CAMKK1: variants seen among roughly 807,000 people sequenced by gnomAD.
CAMKK1 encodes the protein calcium/calmodulin dependent protein kinase kinase 1, also known as calcium/calmodulin-dependent protein kinase kinase 1.
A neutral mutation model predicts 63.5 loss-of-function variants in CAMKK1; 20 were observed. That is an observed-to-expected ratio of 0.32 (90% CI 0.22 to 0.46). The LOEUF is 0.46. Among genes scored for constraint, CAMKK1 ranks in the 20% least tolerant of loss-of-function variants. The probability of loss-of-function intolerance (pLI) is 1.00; values close to 1 mark genes in which losing one functional copy is unlikely to be tolerated. For synonymous variants in CAMKK1, 253 were observed against 269.0 expected (o/e 0.94, Z 0.58); for missense variants, 588 against 658.1 (o/e 0.89, Z 1.17).
At chr17:3,875,185 T>G (rs9898774) in intron 10 of CAMKK1, among the ~76,000 whole-genome samples, 4 of 152,182 alleles carry the variant, frequency 2.6e-5, no homozygotes, top group African/African-American at 9.6e-5. Flanking sequence ...TGAATCTGGG[T>G]AAAAAGATAT....
chr17:3,865,486 C>T (rs979325319), intron 15 of CAMKK1: 23 of 1,015,642 alleles, frequency 2.3e-5, no homozygotes, highest in African/African-American at 1.9e-4. Flanking sequence ...CTCTACAGCC[C>T]GCCAGCCTCC....
intron 15 of CAMKK1, chr17:3,865,523 G>A (rs1213265668): frequency 4.8e-6 from 5 of 1,032,950 alleles, no homozygotes; most frequent in East Asian, 1.6e-4. Flanking sequence ...CAGCCTGTCT[G>A]CAAACCTCTG....
Position 3,882,636 on chromosome 17 carries a change from C to T in CAMKK1, c.649-72G>A, listed in dbSNP as rs956336146. 1 of 1,407,040 alleles carries T rather than the reference C, an allele frequency of 7.1e-7. No individual in the cohort carries two copies. The highest frequency in any genetic ancestry group is 2.5e-4 in the Middle Eastern group (1 of 4,064). 87.2% of individuals were successfully genotyped at this position (1,407,040 alleles called of 1,614,324 possible). A position where few individuals can be genotyped will look rare whatever the true frequency, so the allele number is the denominator to read the frequency against. On this transcript the variant is annotated intron_variant, in intron 6 of 15. Coordinates refer to ENST00000348335, the MANE Select transcript of CAMKK1 (RefSeq NM_032294.3). This position sits in a 1 kb window ranked among gnomAD's most constrained non-coding sequence, Gnocchi z 4.3. The stretch of plus-strand genomic sequence containing the variant: ...GGTTGGAGGTCCCAGGCCTCCTGGT[C>T]CTTGCCAGCCCCAGAACCCTTAGTA...
At chr17:3,869,395 G>A in intron 14 of CAMKK1, 92 bp downstream of exon 14, 1 of 1,532,310 alleles carries the variant, frequency 6.5e-7, no homozygotes. Context: ...TGGCCAGGCA[G>A]GCCTCTGTCC....
At position 3,881,319 on chromosome 17, in the gene CAMKK1, C is replaced by T. The variant is rs376988914; in HGVS notation, c.707+308G>A. Among the ~76,000 whole-genome samples, 40 of 152,304 alleles carry T rather than the reference C, an allele frequency of 2.6e-4. No individual in the cohort carries two copies. The Middle Eastern group carries it at 0.01, about 39-fold the overall frequency. On this transcript the variant is annotated intron_variant, in intron 8 of 15. Coordinates refer to ENST00000348335, the MANE Select transcript of CAMKK1 (RefSeq NM_032294.3). ...GAATACCGGTAAGAGTTGAGTCCCACCTCTATATACTTTTACCTAAAAAAC... is the reference window on the plus strand; with the variant it reads ...GAATACCGGTAAGAGTTGAGTCCCATCTCTATATACTTTTACCTAAAAAAC...
At chr17:3,876,201 T>A (rs1215629891) in intron 10 of CAMKK1, 22 bp downstream of exon 10, 2 of 1,607,722 alleles carry the variant, frequency 1.2e-6, no homozygotes, top group Non-Finnish European at 1.7e-6. Flanking sequence ...AACCCCAGCC[T>A]GGCCCAGGGC....
In CAMKK1 at chr17:3,885,747, G is replaced by T; in HGVS notation, c.-43-17C>A. On this transcript the variant is annotated splice_polypyrimidine_tract_variant and intron_variant, in intron 1 of 15. Transcript: ENST00000348335. ...GTTGGGAACCTGAGAAAAGAAGGCA[G>T]AGAAGGCTTCACTCCTGGGTGTCAG... 6.3e-7 allele frequency: 1 copy of T among 1,593,426 alleles called. No individual in the cohort carries two copies. The highest frequency in any genetic ancestry group is 1.1e-5 in the South Asian group (1 of 89,908).
chr17:3,883,240 C>T lies in CAMKK1; in HGVS notation c.515-65G>A. 6.3e-7 allele frequency: 1 copy of T among 1,596,176 alleles called. No individual in the cohort carries two copies. Among genetic ancestry groups the T allele is most frequent in the Non-Finnish European group, 8.5e-7 (1 of 1,171,980 alleles). On this transcript the variant is annotated intron_variant, in intron 5 of 15. Coordinates refer to ENST00000348335, the MANE Select transcript of CAMKK1 (RefSeq NM_032294.3). This position sits in a 1 kb window ranked among gnomAD's most constrained non-coding sequence, Gnocchi z 4.7. Reference sequence around the variant, plus strand: ...GCTGGGCCTCACCGTGGCCCCCAAACCAGTCTCAAGCAAGAGTCTTGCATG... The same window carrying T: ...GCTGGGCCTCACCGTGGCCCCCAAATCAGTCTCAAGCAAGAGTCTTGCATG...
chr17:3,880,509 C>T (rs2055363230), intron 8 of CAMKK1, 75 bp from the exon 9 acceptor site: 29 of 1,155,574 alleles, frequency 2.5e-5, no homozygotes, highest in Non-Finnish European at 3.2e-5. Flanking sequence ...CGGGACGTCC[C>T]GGGAAACCTG....
At chr17:3,873,084 G>A (rs764098697) in intron 11 of CAMKK1, among the ~76,000 whole-genome samples, 13 of 152,210 alleles carry the variant, frequency 8.5e-5, no homozygotes, top group South Asian at 2.1e-4. Context: ...ACAATTTGTC[G>A]AATAAATGAG....
At chr17:3,871,347 GTTTTTTTTTTTTTT>G (rs869219931) in intron 12 of CAMKK1, among the ~76,000 whole-genome samples, 5 of 104,366 alleles carry the variant, frequency 4.8e-5, no homozygotes, top group Admixed American at 1.1e-4. Context: ...TTTTTTTTTT[GTTTTTTTTTTTTTT>G]TTTTTTTTTT....
intron 1 of CAMKK1, 42 bp from the exon 2 acceptor site, chr17:3,885,772 G>A (rs1238518081): frequency 3.2e-6 from 5 of 1,565,654 alleles, no homozygotes; most frequent in Non-Finnish European, 4.3e-6. Context: ...CTGGGTGTCA[G>A]GCTGGCTACC....
chr17:3,865,518 T>G, intron 15 of CAMKK1: 1 of 1,027,204 alleles, frequency 9.7e-7, no homozygotes, highest in Non-Finnish European at 1.2e-6. Flanking sequence ...AACATCAGCC[T>G]GTCTGCAAAC....
Position 3,862,413 on chromosome 17 carries a change from C to A in CAMKK1, c.1446-130G>T. 1 of 779,752 alleles carries A rather than the reference C, an allele frequency of 1.3e-6. No homozygotes were observed. The highest frequency in any genetic ancestry group is 2.1e-6 in the Non-Finnish European group (1 of 471,406). The allele number at this position is 779,752 out of a possible 1,614,324, so 48.3% of individuals were successfully genotyped here. A position where few individuals can be genotyped will look rare whatever the true frequency, so the allele number is the denominator to read the frequency against. ...AGCCCCCTTCACCCACTGCCCCAAG[C>A]TTGGCCTCCCTCTGGCCTCCCTACA... On this transcript the variant is annotated intron_variant, in intron 15 of 15. Coordinates refer to ENST00000348335, the MANE Select transcript of CAMKK1 (RefSeq NM_032294.3). This position sits in a 1 kb window ranked among gnomAD's most constrained non-coding sequence, Gnocchi z 4.1.
At chr17:3,878,076 C>T (rs1361563875) in intron 9 of CAMKK1, among the ~76,000 whole-genome samples, 2 of 152,204 alleles carry the variant, frequency 1.3e-5, no homozygotes, top group Non-Finnish European at 2.9e-5. Context: ...TCCTCTGAGA[C>T]CCCACATCCT....
chr17:3,883,090 A>T lies in CAMKK1; in HGVS notation c.600T>A (p.Ile200=). 6.2e-7 allele frequency: 1 copy of T among 1,613,730 alleles called. No homozygotes were observed. The highest frequency in any genetic ancestry group is 8.5e-7 in the Non-Finnish European group (1 of 1,179,968). ...CGTGGTCCAGCTTCTTCAGGATGGC[A>T]ATCTCCTGGTACACCCGCTCCAGGG... The part of the protein sequence containing the change: ...LLPLERVYQE[I]AILKKLDHVN... Residue 200 remains isoleucine (I), a synonymous_variant, in exon 6 of 16, where the codon ATT becomes ATA. Coordinates refer to ENST00000348335, the MANE Select transcript of CAMKK1 (RefSeq NM_032294.3). This position sits in a 1 kb window ranked among gnomAD's most constrained non-coding sequence, Gnocchi z 4.7.
At chr17:3,873,019 T>C (rs927479701) in intron 11 of CAMKK1, among the ~76,000 whole-genome samples, 1 of 152,336 alleles carries the variant, frequency 6.6e-6, no homozygotes, top group South Asian at 2.1e-4. Context: ...GGATCACCGA[T>C]ACGTCAGCGT....
intron 12 of CAMKK1, among the ~76,000 whole-genome samples, chr17:3,871,391 G>A (rs2054861310): frequency 8.7e-6 from 1 of 114,428 alleles, no homozygotes; most frequent in Non-Finnish European, 1.7e-5. Context: ...GTCTCGCTCT[G>A]TCGCCCAGGC....
Position 3,865,893 on chromosome 17 carries a change from C to T in CAMKK1, c.1445+15G>A, listed in dbSNP as rs780575597. 3.5e-5 allele frequency: 56 copies of T among 1,613,814 alleles called. No homozygotes were observed. Among genetic ancestry groups the T allele is most frequent in the Admixed American group, 8.3e-5 (5 of 59,982 alleles). ...CCAGGGAGTGCCCGGCAGTCCCTGG[C>T]CCACCAGTACTTACACCAGTAGGTT... On this transcript the variant is annotated intron_variant, in intron 15 of 15. Coordinates refer to ENST00000348335, the MANE Select transcript of CAMKK1 (RefSeq NM_032294.3).
Sources: allele counts gnomAD v4.1 joint callset (sites outside exome capture counted in the v4.1 genomes callset), GRCh38; gene constraint gnomAD v4.1.1; non-coding constraint Gnocchi (gnomAD v3.1); transcripts MANE v1.5; gene names NCBI Gene and HGNC (gene_info 2026-07-23, HGNC 2026-07-21).